The following CSMD3 variants were observed in gnomAD, a reference collection of about 807,000 sequenced individuals.
CSMD3 encodes CUB and Sushi multiple domains 3.
A neutral mutation model predicts 435.2 loss-of-function variants in CSMD3; 177 were observed. The observed-to-expected ratio is 0.41, with a 90% CI of 0.36 to 0.46. The LOEUF (loss-of-function observed/expected upper bound fraction) is 0.46, where lower values mean the gene tolerates loss of function less well. Among genes scored for constraint, CSMD3 ranks in the 20% least tolerant of loss-of-function variants. The pLI is 0.34. For synonymous variants in CSMD3, 1,656 were observed against 1,520.5 expected (o/e 1.09, Z -2.07); for missense variants, 4,265 against 4,504.6 (o/e 0.95, Z 1.52).
intron 3 of CSMD3, among the ~76,000 whole-genome samples, chr8:113,221,337 ATACACACAGACACAGT>A (rs1221076218): frequency 1.4e-5 from 2 of 147,314 alleles, no homozygotes; most frequent in Non-Finnish European, 3.0e-5. Flanking sequence ...TTAGGAGAAA[ATACACACAGACACAGT>A]TACACACACA....
intron 3 of CSMD3, among the ~76,000 whole-genome samples, chr8:113,214,497 G>A (rs1228909501): frequency 1.3e-5 from 2 of 151,910 alleles, no homozygotes; most frequent in Non-Finnish European, 2.9e-5. Flanking sequence ...TGGGTACAGT[G>A]TATAACAAGG....
chr8:113,223,752 ATGTGTGTGTATG>A (rs2092996052), intron 3 of CSMD3, among the ~76,000 whole-genome samples: 1 of 120,888 alleles, frequency 8.3e-6, no homozygotes. Context: ...GTGTGTGTTT[ATGTGTGTGTATG>A]TGTGTGTGTG....
At chr8:113,303,360 C>T (rs1197254818) in intron 2 of CSMD3, among the ~76,000 whole-genome samples, 2 of 150,252 alleles carry the variant, frequency 1.3e-5, no homozygotes, top group Non-Finnish European at 3.0e-5. Context: ...AGATTCAATG[C>T]CGTCCCCATC....
At chr8:112,740,558 T>C (rs1425150765) in intron 13 of CSMD3, among the ~76,000 whole-genome samples, 1 of 151,908 alleles carries the variant, frequency 6.6e-6, no homozygotes, top group Non-Finnish European at 1.5e-5. Context: ...AGTGACTTTA[T>C]TGAAGGTATG....
At chr8:113,141,261 A>C (rs936431252) in intron 4 of CSMD3, among the ~76,000 whole-genome samples, 5 of 150,862 alleles carry the variant, frequency 3.3e-5, no homozygotes, top group East Asian at 3.9e-4. Flanking sequence ...CAGAAAAACA[A>C]CACCAATTAT....
intron 59 of CSMD3, among the ~76,000 whole-genome samples, chr8:112,267,782 G>GT (rs1483937496): frequency 2.0e-4 from 31 of 152,216 alleles, no homozygotes; most frequent in Non-Finnish European, 1.3e-4. Context: ...AATGAAATGC[G>GT]TGACAACAAA....
intron 53 of CSMD3, among the ~76,000 whole-genome samples, chr8:112,297,794 A>G (rs1433407000): frequency 6.6e-6 from 1 of 152,056 alleles, no homozygotes; most frequent in African/African-American, 2.4e-5. Flanking sequence ...TATTTTATAT[A>G]CTGACAGCAA....
intron 5 of CSMD3, among the ~76,000 whole-genome samples, chr8:113,060,821 C>T (rs2088580546): frequency 6.6e-6 from 1 of 152,116 alleles, no homozygotes; most frequent in South Asian, 2.1e-4. Context: ...AACTCTCTAC[C>T]CTGCATCGCA....
At chr8:113,106,663 C>T (rs897719923) in intron 4 of CSMD3, among the ~76,000 whole-genome samples, 1 of 152,094 alleles carries the variant, frequency 6.6e-6, no homozygotes, top group South Asian at 2.1e-4. Context: ...TAGCTGAGAT[C>T]CGAAATTCAT....
chr8:112,295,010 T>C (rs1194390007), intron 54 of CSMD3, among the ~76,000 whole-genome samples: 2 of 152,030 alleles, frequency 1.3e-5, no homozygotes, highest in South Asian at 2.1e-4. Context: ...ACCTGAGGAG[T>C]ATACACTGTA....
At chr8:112,872,808 T>C (rs1187237744) in intron 10 of CSMD3, among the ~76,000 whole-genome samples, 1 of 151,844 alleles carries the variant, frequency 6.6e-6, no homozygotes, top group Non-Finnish European at 1.5e-5. Flanking sequence ...AAATAAGACA[T>C]ATTAAGAGGT....
intron 13 of CSMD3, among the ~76,000 whole-genome samples, chr8:112,716,439 G>T (rs1364643431): frequency 1.3e-5 from 2 of 152,066 alleles, no homozygotes; most frequent in African/African-American, 2.4e-5. Flanking sequence ...CAAACAAATG[G>T]AAAAACATTC....
intron 4 of CSMD3, among the ~76,000 whole-genome samples, chr8:113,130,842 C>T (rs2131680955): frequency 6.6e-6 from 1 of 152,224 alleles, no homozygotes; most frequent in Non-Finnish European, 1.5e-5. Flanking sequence ...GAAGTCCAGG[C>T]TGAGGTGGTC....
intron 5 of CSMD3, among the ~76,000 whole-genome samples, chr8:113,044,419 T>C (rs1452016441): frequency 1.3e-5 from 2 of 149,046 alleles, no homozygotes; most frequent in Admixed American, 6.7e-5. Context: ...TAGATAAAGA[T>C]TGTTAAACAT....
At chr8:112,734,424 A>C (rs1165675403) in intron 13 of CSMD3, among the ~76,000 whole-genome samples, 1 of 151,966 alleles carries the variant, frequency 6.6e-6, no homozygotes, top group Non-Finnish European at 1.5e-5. Flanking sequence ...GGTTACAAAA[A>C]AATTTTAAGT....
At chr8:112,384,590 T>C (rs1376513451) in intron 36 of CSMD3, among the ~76,000 whole-genome samples, 3 of 152,238 alleles carry the variant, frequency 2.0e-5, no homozygotes, top group African/African-American at 7.2e-5. Flanking sequence ...TAAAAATGTA[T>C]GCACTGCACT....
intron 13 of CSMD3, among the ~76,000 whole-genome samples, chr8:112,705,739 C>A (rs1036992419): frequency 6.6e-6 from 1 of 151,984 alleles, no homozygotes; most frequent in Non-Finnish European, 1.5e-5. Flanking sequence ...CTCTGGCACA[C>A]ATTTTTCAAG....
intron 10 of CSMD3, among the ~76,000 whole-genome samples, chr8:112,908,668 T>C (rs1358919417): frequency 6.6e-6 from 1 of 151,570 alleles, no homozygotes; most frequent in Admixed American, 6.6e-5. Flanking sequence ...GGTAAACTTT[T>C]TGAAAAGTCA....
intron 5 of CSMD3, among the ~76,000 whole-genome samples, chr8:113,058,942 T>A (rs1424984486): frequency 6.6e-5 from 10 of 152,122 alleles, no homozygotes; most frequent in Admixed American, 6.6e-5. Context: ...CTATAATTAT[T>A]CTTGATTAAT....
Sources: gnomAD v4.1 joint callset for allele counts (sites outside exome capture counted in the v4.1 genomes callset) on GRCh38, gnomAD v4.1.1 for gene constraint, MANE v1.5 for transcripts, NCBI Gene and HGNC (gene_info 2026-07-23, HGNC 2026-07-21) for gene names.